DLC1: variants seen among roughly 807,000 people sequenced by gnomAD.
DLC1 encodes rho GTPase-activating protein 7.
Under a neutral mutation model 140.3 loss-of-function variants are expected in DLC1, and 54 were observed. That is an observed-to-expected ratio of 0.38 (90% confidence interval 0.31 to 0.48). DLC1 has a LOEUF of 0.48. DLC1 is among the 20% of genes least tolerant of loss of function. DLC1 has a pLI of 0.96. For missense variants in DLC1, 2,536 were observed against 1,907.0 expected (o/e 1.33, Z -6.14); for synonymous variants, 986 against 728.1 (o/e 1.35, Z -5.70).
At chr8:13,290,289 T>C (rs557980351) in intron 5 of DLC1, among the ~76,000 whole-genome samples, 1 of 152,098 alleles carries the variant, frequency 6.6e-6, no homozygotes, top group Non-Finnish European at 1.5e-5. Flanking sequence ...GTCTTCAAAC[T>C]TAGTGTTCAT....
At chr8:13,427,522 C>T (rs970244322) in intron 2 of DLC1, among the ~76,000 whole-genome samples, 2 of 152,210 alleles carry the variant, frequency 1.3e-5, no homozygotes, top group African/African-American at 4.8e-5. Flanking sequence ...CTGTTTCTGT[C>T]TCTGTTAGCT....
intron 1 of DLC1, among the ~76,000 whole-genome samples, chr8:13,531,094 A>C (rs1253826666): frequency 6.6e-6 from 1 of 152,134 alleles, no homozygotes; most frequent in East Asian, 1.9e-4. Context: ...AGACATGGGA[A>C]GAAGGTGGCA....
rs555901184 is a variant in DLC1, at chr8:13,274,532, G to A, written c.1348+30737C>T. Reference sequence around the variant, plus strand: ...TTTTCATCACACATAAAAATTAACTGTTTTTCTCTAAGTGTTTTCATTAAT... The same window carrying A: ...TTTTCATCACACATAAAAATTAACTATTTTTCTCTAAGTGTTTTCATTAAT... On this transcript the variant is annotated intron_variant, in intron 5 of 17. Coordinates refer to ENST00000276297, the MANE Select transcript of DLC1 (RefSeq NM_182643.3). Among the ~76,000 whole-genome samples, 27 of 152,280 alleles carry A rather than the reference G, an allele frequency of 1.8e-4. 1 individual carries two copies. The South Asian group carries it at 5.6e-3, about 32-fold the overall frequency.
chr8:13,422,862 G>T (rs1838381260), intron 2 of DLC1, among the ~76,000 whole-genome samples: 1 of 151,922 alleles, frequency 6.6e-6, no homozygotes, highest in African/African-American at 2.4e-5. Flanking sequence ...AAAACAAAAA[G>T]ATTCTGATTG....
intron 4 of DLC1, among the ~76,000 whole-genome samples, chr8:13,312,292 C>T (rs1431579378): frequency 1.7e-4 from 18 of 105,038 alleles, no homozygotes; most frequent in African/African-American, 6.3e-4. Flanking sequence ...ACCCGGGAGG[C>T]GGAGCTTGCA....
chr8:13,499,934 T>G lies in DLC1; in HGVS notation c.138A>C (p.Lys46Asn), dbSNP rs763224710. Residue 46 changes from lysine (K) to asparagine (N), a missense_variant, in exon 2 of 18, where the codon AAA becomes AAC. By Grantham distance (94) the Lys-to-Asn change is moderately conservative. Transcript: ENST00000276297. Reference protein sequence around the residue: ...VADSLQASMEKDATLNVDRKE... With the variant: ...VADSLQASMENDATLNVDRKE... Reference sequence around the variant, plus strand: ...TGCGGTCCACATTTAGAGTTGCATCTTTTTCCATACTTGCCTGCAAGCTGT... The same window carrying G: ...TGCGGTCCACATTTAGAGTTGCATCGTTTTCCATACTTGCCTGCAAGCTGT... The G allele has an allele frequency of 1.9e-6, 3 of 1,613,892 alleles. No individual in the cohort carries two copies. The highest frequency in any genetic ancestry group is 1.3e-5 in the African/African-American group (1 of 74,936).
chr8:13,322,160 G>A (rs1310017348), intron 4 of DLC1, among the ~76,000 whole-genome samples: 1 of 151,856 alleles, frequency 6.6e-6, no homozygotes, highest in Non-Finnish European at 1.5e-5. Context: ...CTTCAAAATT[G>A]CTTTTATTAA....
At chr8:13,192,895 A>G (rs559688786) in intron 5 of DLC1, among the ~76,000 whole-genome samples, 1 of 152,328 alleles carries the variant, frequency 6.6e-6, no homozygotes, top group East Asian at 1.9e-4. Context: ...TTGGACTTCT[A>G]GCCTCCAGGA....
chr8:13,174,774 T>C (rs182455673), intron 5 of DLC1, among the ~76,000 whole-genome samples: 19 of 152,320 alleles, frequency 1.2e-4, no homozygotes, highest in Non-Finnish European at 1.5e-5. Context: ...CTTTGTCAGA[T>C]GCAGAGTTCA....
At chr8:13,172,098 A>G (rs1324125636) in intron 5 of DLC1, among the ~76,000 whole-genome samples, 1 of 152,252 alleles carries the variant, frequency 6.6e-6, no homozygotes, top group African/African-American at 2.4e-5. Context: ...CATTATTCTT[A>G]CGATAACAAA....
intron 5 of DLC1, among the ~76,000 whole-genome samples, chr8:13,143,745 G>A (rs897987813): frequency 1.8e-4 from 27 of 151,168 alleles, no homozygotes; most frequent in African/African-American, 5.1e-4. Context: ...TCATTCTGGC[G>A]TCTTTGGCTA....
At chr8:13,429,540 A>G (rs1388321307) in intron 2 of DLC1, among the ~76,000 whole-genome samples, 1 of 152,124 alleles carries the variant, frequency 6.6e-6, no homozygotes, top group Non-Finnish European at 1.5e-5. Context: ...ATGTACAGCT[A>G]CTGTCATCAT....
At chr8:13,254,629 C>T (rs1830140060) in intron 5 of DLC1, among the ~76,000 whole-genome samples, 1 of 150,666 alleles carries the variant, frequency 6.6e-6, no homozygotes, top group Non-Finnish European at 1.5e-5. Context: ...CTAACCCACC[C>T]CCACCCCCAG....
intron 2 of DLC1, among the ~76,000 whole-genome samples, chr8:13,490,632 A>C (rs2117161349): frequency 6.6e-6 from 1 of 152,314 alleles, no homozygotes; most frequent in South Asian, 2.1e-4. Flanking sequence ...TGGTATTAAA[A>C]GATTAATAAA....
intron 2 of DLC1, among the ~76,000 whole-genome samples, chr8:13,464,734 T>C (rs1019862066): frequency 6.9e-6 from 1 of 144,164 alleles, no homozygotes. Context: ...TTAAAAAATA[T>C]AGAATTTTAA....
At chr8:13,569,687 A>C (rs1052196905) in intron 1 of DLC1, among the ~76,000 whole-genome samples, 21 of 152,300 alleles carry the variant, frequency 1.4e-4, no homozygotes, top group Admixed American at 1.2e-3. Context: ...CCCAAATGTC[A>C]GCATACAGTT....
chr8:13,430,394 A>C (rs942950972), intron 2 of DLC1, among the ~76,000 whole-genome samples: 1 of 152,210 alleles, frequency 6.6e-6, no homozygotes, highest in Non-Finnish European at 1.5e-5. Flanking sequence ...ATTATTTCCA[A>C]TGCTGCTTAA....
In DLC1 at chr8:13,185,984, C is replaced by T. The variant is rs562291665; in HGVS notation, c.1349-70327G>A. Among the ~76,000 whole-genome samples the T allele has an allele frequency of 9.8e-5, 15 of 152,340 alleles. No homozygotes were observed. The South Asian group carries it at 1.4e-3, about 15-fold the overall frequency. ...AATGTTGAATATTGACCCCCACTCT[C>T]TTCTGGCTTGTAGGGTTTCTGCCAA... On this transcript the variant is annotated intron_variant, in intron 5 of 17. Transcript: ENST00000276297.
chr8:13,461,925 A>G (rs1394387783), intron 2 of DLC1, among the ~76,000 whole-genome samples: 3 of 152,204 alleles, frequency 2.0e-5, no homozygotes, highest in African/African-American at 7.2e-5. Context: ...TACCAGCAAC[A>G]ATATTAGTGA....
Sources: allele counts gnomAD v4.1 joint callset (sites outside exome capture counted in the v4.1 genomes callset), GRCh38; gene constraint gnomAD v4.1.1; transcripts MANE v1.5; gene names NCBI Gene and HGNC (gene_info 2026-07-23, HGNC 2026-07-21).